SCOC: variants seen among roughly 807,000 people sequenced by gnomAD.
SCOC encodes short coiled-coil protein, also known as short coiled coil protein.
Under a neutral mutation model 9.9 loss-of-function variants are expected in SCOC, and 7 were observed. The ratio of observed to expected loss-of-function variants is 0.71; its 90% CI spans 0.40 to 1.33. The LOEUF (loss-of-function observed/expected upper bound fraction) is 1.33. Ranked by LOEUF, SCOC falls within the 40% of genes most tolerant of loss-of-function variation. The pLI, the probability that SCOC is intolerant of heterozygous loss-of-function variation, is 0.01. For missense variants in SCOC, 66 were observed against 89.7 expected (o/e 0.74, Z 1.07); for synonymous variants, 19 against 28.2 (o/e 0.67, Z 1.03).
chr4:140,366,535 T>A (rs1019839172), intron 2 of SCOC: 6 of 1,578,088 alleles, frequency 3.8e-6, no homozygotes, highest in African/African-American at 1.3e-5. Flanking sequence ...AACTTTAAAA[T>A]GATCAAAATC....
At chr4:140,315,499 G>A (rs760432951) in intron 1 of SCOC, among the ~76,000 whole-genome samples, 1 of 152,180 alleles carries the variant, frequency 6.6e-6, no homozygotes, top group Non-Finnish European at 1.5e-5. Context: ...TTCTTAACCA[G>A]TGTGCTATAC....
intron 1 of SCOC, 99 bp from the exon 2 acceptor site, chr4:140,379,022 T>G: frequency 1.3e-6 from 1 of 747,964 alleles, no homozygotes; most frequent in South Asian, 1.5e-5. Context: ...ATATGAAAAG[T>G]CCTACTATGT....
chr4:140,341,984 T>C (rs1726535132), upstream of SCOC, among the ~76,000 whole-genome samples: 1 of 152,210 alleles, frequency 6.6e-6, no homozygotes, highest in Non-Finnish European at 1.5e-5. Flanking sequence ...ACTTGCATCA[T>C]GGGCTAATGT....
intron 1 of SCOC, among the ~76,000 whole-genome samples, chr4:140,298,191 G>T (rs896059221): frequency 6.6e-6 from 1 of 152,178 alleles, no homozygotes; most frequent in Non-Finnish European, 1.5e-5. Context: ...GGTTCACCAG[G>T]TGGCTGCTGA....
At chr4:140,380,229 C>T (rs1728518382) in intron 3 of SCOC, among the ~76,000 whole-genome samples, 1 of 126,622 alleles carries the variant, frequency 7.9e-6, no homozygotes, top group African/African-American at 3.0e-5. Flanking sequence ...ATGGAGTTCA[C>T]TCTTGTTGCC....
At chr4:140,308,964 C>G (rs543788105) in intron 1 of SCOC, among the ~76,000 whole-genome samples, 1 of 152,258 alleles carries the variant, frequency 6.6e-6, no homozygotes, top group African/African-American at 2.4e-5. Flanking sequence ...TTTTTGCTCA[C>G]GCCCAGTTAG....
At chr4:140,269,336 A>G (rs149181204) in intron 1 of SCOC, among the ~76,000 whole-genome samples, 9 of 152,342 alleles carry the variant, frequency 5.9e-5, no homozygotes, top group South Asian at 2.1e-4. Flanking sequence ...GGGCTGGATC[A>G]TAAAAGGCCA....
intron 2 of SCOC, chr4:140,366,359 A>T: frequency 7.9e-7 from 1 of 1,261,132 alleles, no homozygotes; most frequent in Admixed American, 2.5e-5. Context: ...TCTAAGCTGG[A>T]GCCTTCTTGC....
chr4:140,348,287 C>T (rs1267979876), intron 2 of SCOC, among the ~76,000 whole-genome samples: 1 of 152,052 alleles, frequency 6.6e-6, no homozygotes, highest in Non-Finnish European at 1.5e-5. Flanking sequence ...AATTTTGTAT[C>T]CTTTGGCCAA....
chr4:140,293,788 CTTCCATGGCCACTA>C (rs1731545488), intron 1 of SCOC, among the ~76,000 whole-genome samples: 1 of 152,200 alleles, frequency 6.6e-6, no homozygotes, highest in South Asian at 2.1e-4. Context: ...GAGTGATCCA[CTTCCATGGCCACTA>C]TGGTGATGGA....
At chr4:140,355,211 TTATATATATATATATATA>T (rs34322076) in intron 2 of SCOC, among the ~76,000 whole-genome samples, 1,147 of 61,388 alleles carry the variant, frequency 0.019, 16 homozygotes, top group African/African-American at 0.053. Flanking sequence ...CATTATATTT[TTATATATATATATATATA>T]TATATATATA....
chr4:140,263,711 A>G (rs1420430170), intron 1 of SCOC, among the ~76,000 whole-genome samples: 1 of 152,148 alleles, frequency 6.6e-6, no homozygotes, highest in Admixed American at 6.5e-5. Context: ...CTTAGTTATC[A>G]TATCACCCCG....
intron 1 of SCOC, among the ~76,000 whole-genome samples, chr4:140,307,781 T>C (rs900533754): frequency 3.3e-5 from 5 of 152,202 alleles, no homozygotes; most frequent in African/African-American, 1.2e-4. Flanking sequence ...TATTTCACAA[T>C]CATTAGGGAT....
chr4:140,296,528 C>T (rs1230184871), intron 1 of SCOC, among the ~76,000 whole-genome samples: 1 of 152,188 alleles, frequency 6.6e-6, no homozygotes, highest in Non-Finnish European at 1.5e-5. Flanking sequence ...ACTGACTCAT[C>T]CCTGAAAAGT....
intron 1 of SCOC, among the ~76,000 whole-genome samples, chr4:140,327,386 A>T (rs768689658): frequency 8.5e-5 from 13 of 152,290 alleles, no homozygotes; most frequent in Non-Finnish European, 1.9e-4. Context: ...GTTTTGAACT[A>T]TATGGAGCTC....
intron 1 of SCOC, chr4:140,314,355 A>G (rs1732247587): frequency 6.5e-6 from 1 of 153,152 alleles, no homozygotes; most frequent in African/African-American, 2.4e-5. Context: ...AGGTCCAACA[A>G]ATCAAGGCAG....
At chr4:140,349,338 T>C (rs575041470) in intron 2 of SCOC, among the ~76,000 whole-genome samples, 2 of 152,180 alleles carry the variant, frequency 1.3e-5, no homozygotes, top group Non-Finnish European at 2.9e-5. Flanking sequence ...AATATTTCAA[T>C]TTTTTGTACA....
intron 1 of SCOC, among the ~76,000 whole-genome samples, chr4:140,304,420 A>G (rs1731905607): frequency 6.6e-6 from 1 of 152,162 alleles, no homozygotes; most frequent in African/African-American, 2.4e-5. Context: ...AGGCCAAAAA[A>G]CAAAACAAAA....
chr4:140,349,939 T>A (rs1417659068), intron 2 of SCOC, among the ~76,000 whole-genome samples: 1 of 152,208 alleles, frequency 6.6e-6, no homozygotes, highest in African/African-American at 2.4e-5. Flanking sequence ...TCACTTAGCA[T>A]AGCATTGAAG....
Sources: gnomAD v4.1 joint callset for allele counts (sites outside exome capture counted in the v4.1 genomes callset) on GRCh38, gnomAD v4.1.1 for gene constraint, MANE v1.5 for transcripts, NCBI Gene and HGNC (gene_info 2026-07-23, HGNC 2026-07-21) for gene names.